Variants in ESR1 observed in about 807,000 individuals in gnomAD.
The protein encoded by ESR1 is estrogen receptor.
In ESR1, 12 loss-of-function variants were observed where a neutral mutation model predicts 52.7. The observed-to-expected ratio is 0.23, with a 90% CI of 0.15 to 0.37. The LOEUF is 0.37. ESR1 is among the 10% of genes least tolerant of loss of function. ESR1 has a pLI of 1.00. For missense variants in ESR1, 584 were observed against 779.7 expected, an observed-to-expected ratio of 0.75 and a Z score of 2.99; for synonymous variants, 305 against 316.8, an observed-to-expected ratio of 0.96 and a Z score of 0.39.
intron 3 of ESR1, among the ~76,000 whole-genome samples, chr6:151,895,718 A>G (rs1795392223): frequency 6.6e-6 from 1 of 152,216 alleles, no homozygotes; most frequent in Non-Finnish European, 1.5e-5. Flanking sequence ...ATGTTAAACC[A>G]TCCCTGCATC....
upstream of ESR1, among the ~76,000 whole-genome samples, chr6:151,686,728 C>A (rs967408140): frequency 1.3e-5 from 2 of 151,106 alleles, no homozygotes; most frequent in Admixed American, 6.6e-5. Context: ...AACCAACCAA[C>A]CAACCAGCAC....
At chr6:151,820,291 A>G (rs1705658692) in intron 1 of ESR1, among the ~76,000 whole-genome samples, 1 of 152,216 alleles carries the variant, frequency 6.6e-6, no homozygotes, top group Non-Finnish European at 1.5e-5. Context: ...TTACTAACTT[A>G]TAGAGCTGAA....
At chr6:151,916,081 G>C (rs2030097543) in intron 3 of ESR1, among the ~76,000 whole-genome samples, 2 of 152,180 alleles carry the variant, frequency 1.3e-5, no homozygotes, top group Non-Finnish European at 2.9e-5. Flanking sequence ...GCATCGAGAT[G>C]CATTAATTTT....
At chr6:151,955,316 T>C (rs2036782922) in intron 4 of ESR1, among the ~76,000 whole-genome samples, 1 of 152,202 alleles carries the variant, frequency 6.6e-6, no homozygotes, top group Non-Finnish European at 1.5e-5. Context: ...AGATAGGGTG[T>C]TGTGCAACAA....
intron 2 of ESR1, among the ~76,000 whole-genome samples, chr6:151,733,697 T>G (rs965429332): frequency 6.6e-6 from 1 of 152,162 alleles, no homozygotes; most frequent in African/African-American, 2.4e-5. Flanking sequence ...TCCTAACCAC[T>G]CTATACCATA....
Position 151,661,111 on chromosome 6 carries a change from A to G in ESR1, n.73+4348A>G, listed in dbSNP as rs12205824. 6.3e-3 allele frequency among the ~76,000 whole-genome samples: 918 copies of G among 146,244 alleles called. 6 individuals are homozygous for G. The highest frequency in any genetic ancestry group is 0.011 in the Non-Finnish European group (730 of 64,522). On this transcript the variant is annotated intron_variant and non_coding_transcript_variant, in intron 1 of 2. Transcript: ENST00000473497. Reference sequence around the variant, plus strand: ...CAATGGTAAGATTGTTTTAAAAATTATAGTACAATTAAAAAAATAATGTAA... The same window carrying G: ...CAATGGTAAGATTGTTTTAAAAATTGTAGTACAATTAAAAAAATAATGTAA...
chr6:151,844,787 T>A (rs897363008), intron 2 of ESR1, among the ~76,000 whole-genome samples: 1 of 152,180 alleles, frequency 6.6e-6, no homozygotes, highest in Non-Finnish European at 1.5e-5. Flanking sequence ...CTATACCTGA[T>A]TAGATGTTCC....
chr6:151,680,468 T>C (rs1044029501), intron 1 of ESR1, among the ~76,000 whole-genome samples: 6 of 152,174 alleles, frequency 3.9e-5, no homozygotes, highest in African/African-American at 1.2e-4. Flanking sequence ...CCTCCCAAAA[T>C]GCTGGGGGGT....
chr6:152,033,474 A>G (rs1258146993), intron 5 of ESR1, among the ~76,000 whole-genome samples: 1 of 152,088 alleles, frequency 6.6e-6, no homozygotes, highest in Non-Finnish European at 1.5e-5. Flanking sequence ...CCATCAACAA[A>G]TGGGCGAAGG....
intron 1 of ESR1, among the ~76,000 whole-genome samples, chr6:151,694,388 A>T (rs1337630582): frequency 2.6e-5 from 4 of 152,254 alleles, no homozygotes; most frequent in Non-Finnish European, 5.9e-5. Context: ...CTTCATCTGT[A>T]AAATGGGAAT....
intron 6 of ESR1, among the ~76,000 whole-genome samples, chr6:152,077,142 G>T (rs59088644): frequency 0.016 from 2,410 of 152,248 alleles, 67 homozygotes; most frequent in African/African-American, 0.055. Flanking sequence ...TCCCCATGCT[G>T]TGTGCAGCCT....
chr6:151,727,180 GGT>G lies in ESR1; in HGVS notation c.-71+25177_-71+25178del, dbSNP rs1201983644. 3.3e-5 allele frequency among the ~76,000 whole-genome samples: 5 copies of G among 151,852 alleles called. No individual in the cohort carries two copies. In the East Asian group the frequency reaches 9.6e-4, roughly 29 times the overall value. On this transcript the variant is annotated intron_variant, in intron 2 of 2. Coordinates refer to the ESR1 transcript ENST00000404742. ...ATGAATATTGTTCTTTATTTACTAT[GGT>G]GAATTGCATTCATTAATTTTCTTTT...
At chr6:151,715,626 G>A (rs1780972033) in intron 2 of ESR1, among the ~76,000 whole-genome samples, 1 of 152,026 alleles carries the variant, frequency 6.6e-6, no homozygotes, top group Non-Finnish European at 1.5e-5. Context: ...GATTGATTCA[G>A]CTATTGATAC....
chr6:152,125,333 G>A lies in ESR1; in HGVS notation c.918G>A (p.Trp306Ter). 1 of 1,550,322 alleles carries A rather than the reference G, an allele frequency of 6.5e-7. No individual in the cohort carries two copies. ...ATCCTAAAATATTTGGAAACAAGTGGTTTCCTCGTGTCTAAAGCCTCTGGT... is the reference window on the plus strand; with the variant it reads ...ATCCTAAAATATTTGGAAACAAGTGATTTCCTCGTGTCTAAAGCCTCTGGT... Residue 306 changes from tryptophan to a stop codon, truncating the protein, a stop_gained, in exon 7 of 7, where the codon TGG becomes TGA. Transcript: ENST00000427531. LOFTEE classifies it high-confidence loss of function.
At chr6:151,730,275 C>T (rs1242966302) in intron 2 of ESR1, among the ~76,000 whole-genome samples, 2 of 152,088 alleles carry the variant, frequency 1.3e-5, no homozygotes, top group African/African-American at 4.8e-5. Context: ...ATCCCTGCAT[C>T]CTGCCAGCTT....
chr6:152,101,117 T>C lies in ESR1; in HGVS notation c.*2151T>C, dbSNP rs1378225951. The C allele has an allele frequency of 4.4e-6, 1 of 229,848 alleles. No individual in the cohort carries two copies. 14.2% of individuals were successfully genotyped at this position (229,848 alleles called of 1,614,324 possible). ...ATGCCTAAAGCCTGGTGATTATTCA[T>C]TTAAATGAAGATCACATTTCATATC... On this transcript the variant is annotated 3_prime_UTR_variant, in exon 8 of 8. Transcript: ENST00000206249.
chr6:151,926,359 A>G (rs985060958), intron 3 of ESR1, among the ~76,000 whole-genome samples: 1 of 152,152 alleles, frequency 6.6e-6, no homozygotes, highest in Non-Finnish European at 1.5e-5. Flanking sequence ...GTTGGAATCA[A>G]TTGTCAATAT....
intron 2 of ESR1, among the ~76,000 whole-genome samples, chr6:151,731,620 C>T (rs1782254199): frequency 6.6e-6 from 1 of 152,090 alleles, no homozygotes; most frequent in Non-Finnish European, 1.5e-5. Flanking sequence ...TATGCTAACC[C>T]AGTGTCTTGG....
intron 4 of ESR1, among the ~76,000 whole-genome samples, chr6:151,962,604 C>A (rs2037796478): frequency 6.6e-6 from 1 of 152,230 alleles, no homozygotes; most frequent in Non-Finnish European, 1.5e-5. Flanking sequence ...CCAAACCAAA[C>A]CAACCAAACA....
Sources: allele counts gnomAD v4.1 joint callset (sites outside exome capture counted in the v4.1 genomes callset), GRCh38; gene constraint gnomAD v4.1.1; transcripts MANE v1.5; gene names NCBI Gene and HGNC (gene_info 2026-07-23, HGNC 2026-07-21).